The following ZFYVE9 variants were observed in gnomAD, a reference collection of about 807,000 sequenced individuals.
ZFYVE9 encodes zinc finger FYVE-type containing 9.
Under a neutral mutation model 126.7 loss-of-function variants are expected in ZFYVE9, and 43 were observed. The ratio of observed to expected loss-of-function variants is 0.34; its 90% CI spans 0.27 to 0.44. The LOEUF (loss-of-function observed/expected upper bound fraction) is 0.44. ZFYVE9 is among the 20% of genes least tolerant of loss of function. ZFYVE9 has a pLI of 1.00. For missense variants in ZFYVE9, 1,476 were observed against 1,697.0 expected, an observed-to-expected ratio of 0.87 and a Z score of 2.29; for synonymous variants, 521 against 597.4, an observed-to-expected ratio of 0.87 and a Z score of 1.87.
intron 1 of ZFYVE9, among the ~76,000 whole-genome samples, chr1:52,209,213 G>A (rs190395140): frequency 4.3e-4 from 65 of 152,298 alleles, no homozygotes; most frequent in Non-Finnish European, 7.9e-4. Flanking sequence ...GGACTTAATG[G>A]AAGAAGTGAT....
At chr1:52,242,473 G>C (rs1407344765) in intron 4 of ZFYVE9, among the ~76,000 whole-genome samples, 1 of 152,032 alleles carries the variant, frequency 6.6e-6, no homozygotes, top group Non-Finnish European at 1.5e-5. Context: ...TAGAACATAC[G>C]GGTGCTCAGT....
At chr1:52,311,991 G>A (rs533938835) in intron 13 of ZFYVE9, among the ~76,000 whole-genome samples, 2 of 150,696 alleles carry the variant, frequency 1.3e-5, no homozygotes, top group African/African-American at 2.4e-5. Flanking sequence ...GGGTTTTGCT[G>A]TGTTGGCCAG....
At chr1:52,251,026 TTTGTTGTTGTTGTTGTTGTTG>T (rs200636201) in intron 4 of ZFYVE9, among the ~76,000 whole-genome samples, 2 of 146,924 alleles carry the variant, frequency 1.4e-5, no homozygotes, top group African/African-American at 5.1e-5. Context: ...TTCAGTCGTT[TTTGTTGTTGTTGTTGTTGTTG>T]TTGTTGTTGT....
At chr1:52,270,054 T>A (rs1168203581) in intron 7 of ZFYVE9, among the ~76,000 whole-genome samples, 1 of 152,148 alleles carries the variant, frequency 6.6e-6, no homozygotes, top group Non-Finnish European at 1.5e-5. Flanking sequence ...TTTGCCACAT[T>A]TGCTCTACCA....
intron 8 of ZFYVE9, among the ~76,000 whole-genome samples, chr1:52,276,332 CT>C (rs1645748543): frequency 6.6e-6 from 1 of 152,172 alleles, no homozygotes; most frequent in South Asian, 2.1e-4. Flanking sequence ...TGAATATTTA[CT>C]TTTCATTCTT....
chr1:52,188,183 G>A (rs930238979), intron 1 of ZFYVE9, among the ~76,000 whole-genome samples: 31 of 151,732 alleles, frequency 2.0e-4, no homozygotes, highest in African/African-American at 5.1e-4. Context: ...GCAGGAACAC[G>A]GATGGAGCTG....
intron 2 of ZFYVE9, among the ~76,000 whole-genome samples, chr1:52,221,948 A>G (rs1170241908): frequency 1.3e-5 from 2 of 152,198 alleles, no homozygotes; most frequent in East Asian, 3.8e-4. Flanking sequence ...ATATCCAACC[A>G]ATCCTGAGAA....
chr1:52,300,367 G>A (rs1020627570), intron 12 of ZFYVE9, among the ~76,000 whole-genome samples: 20 of 151,984 alleles, frequency 1.3e-4, no homozygotes, highest in Admixed American at 5.3e-4. Context: ...CAAGGCAGGC[G>A]GATCACGATG....
chr1:52,257,301 G>A (rs1645531346), intron 4 of ZFYVE9, among the ~76,000 whole-genome samples: 2 of 152,076 alleles, frequency 1.3e-5, no homozygotes, highest in South Asian at 4.1e-4. Flanking sequence ...TACTGTATTA[G>A]CATTTCTATT....
chr1:52,245,008 A>T (rs530871371), intron 4 of ZFYVE9, among the ~76,000 whole-genome samples: 1 of 152,204 alleles, frequency 6.6e-6, no homozygotes, highest in East Asian at 1.9e-4. Flanking sequence ...AAATACAAAA[A>T]TTAGCTGGGC....
rs1644698097 is a variant in ZFYVE9 at position 52,181,176 on chromosome 1, C to T, written c.-142-35193C>T. Among the ~76,000 whole-genome samples the T allele has an allele frequency of 2.6e-5, 4 of 152,254 alleles. 1 individual carries two copies. In the South Asian group the frequency reaches 8.3e-4, roughly 32 times the overall value. On this transcript the variant is annotated intron_variant, in intron 1 of 18. Transcript: ENST00000287727. ...TGCTGCCATCTCGGCTCACTGCAAC[C>T]TCCCTGCCTGATTCTCCTGCCTCAG... is the stretch of plus-strand genomic sequence containing the variant.
intron 15 of ZFYVE9, chr1:52,335,331 A>G (rs916979969): frequency 3.9e-5 from 6 of 153,080 alleles, no homozygotes; most frequent in Non-Finnish European, 8.7e-5. Flanking sequence ...TAATCTTGAC[A>G]GGGCAATGCA....
At chr1:52,327,526 C>T (rs556630250) in intron 13 of ZFYVE9, among the ~76,000 whole-genome samples, 13 of 151,702 alleles carry the variant, frequency 8.6e-5, no homozygotes, top group Admixed American at 2.0e-4. Context: ...TGCTTGAATC[C>T]GGGAGGCAAG....
At chr1:52,241,400 A>C (rs1225665614) in intron 4 of ZFYVE9, among the ~76,000 whole-genome samples, 2 of 152,204 alleles carry the variant, frequency 1.3e-5, no homozygotes, top group African/African-American at 2.4e-5. Context: ...TCTTCTTGTT[A>C]GCTGAAGTAC....
chr1:52,302,304 C>G (rs1274995581), intron 12 of ZFYVE9, among the ~76,000 whole-genome samples: 1 of 152,198 alleles, frequency 6.6e-6, no homozygotes, highest in African/African-American at 2.4e-5. Context: ...TAGAAAAACC[C>G]TCCATCTCAC....
At chr1:52,322,382 T>TC (rs1161451611) in intron 13 of ZFYVE9, among the ~76,000 whole-genome samples, 1 of 135,020 alleles carries the variant, frequency 7.4e-6, no homozygotes, top group African/African-American at 3.6e-5. Flanking sequence ...CTTTTCTTTT[T>TC]TTTTTTTTTT....
At chr1:52,307,673 A>T (rs945924975) in intron 13 of ZFYVE9, among the ~76,000 whole-genome samples, 1 of 151,302 alleles carries the variant, frequency 6.6e-6, no homozygotes. Context: ...GAGTAACAGT[A>T]TTTCTTGTCA....
chr1:52,269,068 C>T (rs1645661993), intron 7 of ZFYVE9, among the ~76,000 whole-genome samples: 1 of 152,196 alleles, frequency 6.6e-6, no homozygotes, highest in South Asian at 2.1e-4. Context: ...ACACTTGTTA[C>T]ACTTGTTGAA....
chr1:52,177,944 GT>G (rs1446614373), intron 1 of ZFYVE9, among the ~76,000 whole-genome samples: 12 of 148,092 alleles, frequency 8.1e-5, no homozygotes, highest in African/African-American at 1.5e-4. Flanking sequence ...AAGTAGTTTT[GT>G]TTTTTTTTTT....
Sources: gnomAD v4.1 joint callset for allele counts (sites outside exome capture counted in the v4.1 genomes callset) on GRCh38, gnomAD v4.1.1 for gene constraint, MANE v1.5 for transcripts, NCBI Gene and HGNC (gene_info 2026-07-23, HGNC 2026-07-21) for gene names.